ARHGAP32: variants seen among roughly 807,000 people sequenced by gnomAD.
ARHGAP32 encodes the protein rho GTPase-activating protein 32.
Under a neutral mutation model 186.5 loss-of-function variants are expected in ARHGAP32, and 51 were observed. The observed-to-expected ratio is 0.27, with a 90% CI of 0.22 to 0.35. ARHGAP32 has a LOEUF of 0.35. Among genes scored for constraint, ARHGAP32 ranks in the 10% least tolerant of loss-of-function variants. The pLI is 1.00. For synonymous variants in ARHGAP32, 950 were observed against 964.3 expected (o/e 0.99, Z 0.27); for missense variants, 2,186 against 2,623.5 (o/e 0.83, Z 3.64).
chr11:129,178,924 A>C (rs1425616179), intron 1 of ARHGAP32, among the ~76,000 whole-genome samples: 2 of 152,332 alleles, frequency 1.3e-5, no homozygotes, highest in East Asian at 3.9e-4. Flanking sequence ...AATGCCAACA[A>C]GAGCCAAAAT....
chr11:129,051,953 CAAAAAAAAA>C (rs36014500), intron 10 of ARHGAP32, among the ~76,000 whole-genome samples: 2 of 71,136 alleles, frequency 2.8e-5, no homozygotes, highest in Non-Finnish European at 5.0e-5. Context: ...GATTCTGTCT[CAAAAAAAAA>C]AAAAAAAAAA....
chr11:129,211,312 G>A (rs1018767502), intron 1 of ARHGAP32, among the ~76,000 whole-genome samples: 1 of 152,090 alleles, frequency 6.6e-6, no homozygotes, highest in African/African-American at 2.4e-5. Context: ...TCTAGTATAT[G>A]ATGGTTACAA....
intron 15 of ARHGAP32, among the ~76,000 whole-genome samples, chr11:128,984,632 A>C (rs1288879862): frequency 6.6e-6 from 1 of 152,204 alleles, no homozygotes; most frequent in African/African-American, 2.4e-5. Flanking sequence ...AAGATATTGT[A>C]TACATTATAA....
chr11:129,256,278 G>A (rs1292430046), intron 1 of ARHGAP32, among the ~76,000 whole-genome samples: 2 of 151,480 alleles, frequency 1.3e-5, no homozygotes, highest in South Asian at 2.1e-4. Context: ...TACTCAACAT[G>A]TGTATGATAC....
intron 10 of ARHGAP32, among the ~76,000 whole-genome samples, chr11:129,058,252 AT>A (rs1940344763): frequency 7.0e-6 from 1 of 142,958 alleles, no homozygotes; most frequent in Non-Finnish European, 1.5e-5. Flanking sequence ...ATATATATAT[AT>A]CTCATATACA....
chr11:129,047,729 TA>T (rs1939872198), intron 10 of ARHGAP32, among the ~76,000 whole-genome samples: 1 of 152,110 alleles, frequency 6.6e-6, no homozygotes, highest in Non-Finnish European at 1.5e-5. Context: ...TTAAAGAACC[TA>T]ATCTTCTTTA....
chr11:129,114,140 G>C (rs901903938), intron 5 of ARHGAP32, among the ~76,000 whole-genome samples: 1 of 151,958 alleles, frequency 6.6e-6, no homozygotes, highest in Non-Finnish European at 1.5e-5. Flanking sequence ...ATTGATCATG[G>C]TACTCCCTTC....
intron 9 of ARHGAP32, among the ~76,000 whole-genome samples, chr11:129,063,050 TTCAA>T (rs1449297138): frequency 6.6e-6 from 1 of 152,144 alleles, no homozygotes; most frequent in African/African-American, 2.4e-5. Flanking sequence ...AGTTATATTC[TTCAA>T]TCAAAAGAAA....
chr11:129,203,888 ACCC>A (rs948465100), intron 1 of ARHGAP32, among the ~76,000 whole-genome samples: 23 of 149,006 alleles, frequency 1.5e-4, no homozygotes, highest in African/African-American at 5.4e-4. Flanking sequence ...ACAGAGTGAG[ACCC>A]CCATCTAAAA....
intron 10 of ARHGAP32, among the ~76,000 whole-genome samples, chr11:129,045,028 T>C (rs1053532973): frequency 1.1e-4 from 16 of 152,190 alleles, no homozygotes; most frequent in Non-Finnish European, 1.8e-4. Flanking sequence ...TTTAGGTATA[T>C]GGGGAAATGC....
At chr11:128,976,270 A>AT (rs1945539421) in intron 20 of ARHGAP32, among the ~76,000 whole-genome samples, 1 of 152,164 alleles carries the variant, frequency 6.6e-6, no homozygotes, top group African/African-American at 2.4e-5. Flanking sequence ...GGAAACAGTA[A>AT]TAACACAAGT....
rs921431077 is a variant in ARHGAP32 at position 128,978,751 on chromosome 11, G to A, written c.2122+19C>T. The stretch of plus-strand genomic sequence containing the variant: ...ACCATCATGACAGCAGCAGAAGTGA[G>A]AATCTCCCAGGCACTCACCTTTCAG... On this transcript the variant is annotated intron_variant, in intron 19 of 22. Transcript: ENST00000682385. 5.7e-6 allele frequency: 9 copies of A among 1,589,974 alleles called. No homozygotes were observed. Among genetic ancestry groups the A allele is most frequent in the Non-Finnish European group, 7.7e-6 (9 of 1,172,362 alleles).
intron 1 of ARHGAP32, among the ~76,000 whole-genome samples, chr11:129,241,603 C>A (rs1330552703): frequency 1.3e-5 from 2 of 152,000 alleles, no homozygotes; most frequent in African/African-American, 4.8e-5. Flanking sequence ...CGTGATGACA[C>A]CACTGCACTC....
intron 2 of ARHGAP32, among the ~76,000 whole-genome samples, chr11:129,133,495 G>C (rs768749971): frequency 1.9e-4 from 29 of 152,070 alleles, no homozygotes; most frequent in Non-Finnish European, 2.9e-4. Context: ...CAAATATAAA[G>C]GAAGTATTCT....
In ARHGAP32 at chr11:128,981,472, T is replaced by A. The variant is rs773382512; in HGVS notation, c.1724A>T (p.Asn575Ile). 6.2e-7 allele frequency: 1 copy of A among 1,613,972 alleles called. No homozygotes were observed. The highest frequency in any genetic ancestry group is 1.7e-5 in the Admixed American group (1 of 59,986). The change falls in exon 17 of 23, where the codon AAT becomes ATT. Residue 575 changes from asparagine to isoleucine, a missense_variant. By Grantham distance (149) the Asn-to-Ile change is moderately radical. Around this residue, in one of 5 missense-constraint regions of ARHGAP32, gnomAD observed 308 missense variants for 596.5 expected, o/e 0.52. Coordinates refer to ENST00000682385, the MANE Select transcript of ARHGAP32 (RefSeq NM_001378024.1). ...IQSVVVEFIL[N>I]HVDVLFSGRI... is the part of the protein sequence containing the mutation. ...GCCGCTGAACAGCACATCAACGTGATTCAGGATGAACTCAACAACCACAGA... is the reference window on the plus strand; with the variant it reads ...GCCGCTGAACAGCACATCAACGTGAATCAGGATGAACTCAACAACCACAGA...
intron 1 of ARHGAP32, among the ~76,000 whole-genome samples, chr11:129,199,388 A>G (rs1213471204): frequency 6.6e-6 from 1 of 152,216 alleles, no homozygotes; most frequent in Non-Finnish European, 1.5e-5. Flanking sequence ...AGGAAGAAAA[A>G]TGGTTTCATG....
intron 6 of ARHGAP32, among the ~76,000 whole-genome samples, chr11:129,086,545 G>GC (rs1259043744): frequency 1.3e-5 from 2 of 151,976 alleles, no homozygotes; most frequent in South Asian, 2.1e-4. Flanking sequence ...CTGATGGCCG[G>GC]GCATGGTGGC....
intron 10 of ARHGAP32, among the ~76,000 whole-genome samples, chr11:129,044,543 T>C (rs2135043031): frequency 6.6e-6 from 1 of 152,314 alleles, no homozygotes; most frequent in East Asian, 1.9e-4. Flanking sequence ...ATTATCCCAG[T>C]ATTTGGCTAC....
intron 11 of ARHGAP32, among the ~76,000 whole-genome samples, chr11:129,037,577 T>C (rs1334875636): frequency 6.6e-6 from 1 of 151,894 alleles, no homozygotes; most frequent in African/African-American, 2.4e-5. Flanking sequence ...CTTAATACTG[T>C]TAATAATATT....
Sources: gnomAD v4.1 joint callset for allele counts (sites outside exome capture counted in the v4.1 genomes callset) on GRCh38, gnomAD v4.1.1 for gene constraint, gnomAD v4.1.1 regional missense constraint, MANE v1.5 for transcripts, NCBI Gene and HGNC (gene_info 2026-07-23, HGNC 2026-07-21) for gene names.